ERGIC1: variants seen among roughly 807,000 people sequenced by gnomAD.
ERGIC1 encodes endoplasmic reticulum-golgi intermediate compartment 1.
In ERGIC1, 19 loss-of-function variants were observed where a neutral mutation model predicts 38.3. The ratio of observed to expected loss-of-function variants is 0.50; its 90% confidence interval spans 0.35 to 0.73. The LOEUF is 0.73. ERGIC1 is among the 30% of genes least tolerant of loss of function. The pLI is 0.01. For missense variants in ERGIC1, 294 were observed against 389.2 expected, an observed-to-expected ratio of 0.76 and a Z score of 2.06; for synonymous variants, 124 against 157.6, an observed-to-expected ratio of 0.79 and a Z score of 1.60.
At chr5:172,900,207 C>T (rs377704928) in intron 3 of ERGIC1, among the ~76,000 whole-genome samples, 201 of 152,250 alleles carry the variant, frequency 1.3e-3, no homozygotes, top group African/African-American at 4.2e-3. Flanking sequence ...GCAGAATGCC[C>T]GGGAGCATTG....
chr5:172,851,594 C>A (rs1188037860), intron 1 of ERGIC1, among the ~76,000 whole-genome samples: 1 of 152,188 alleles, frequency 6.6e-6, no homozygotes, highest in African/African-American at 2.4e-5. Context: ...TGTTGCTGGG[C>A]AGACCTCTGG....
chr5:172,942,099 G>A (rs1210158898), intron 9 of ERGIC1, among the ~76,000 whole-genome samples: 2 of 152,158 alleles, frequency 1.3e-5, no homozygotes, highest in Non-Finnish European at 2.9e-5. Flanking sequence ...TACGTGGGAC[G>A]CTGAGGCAGG....
At chr5:172,883,586 C>G (rs1198928197) in intron 1 of ERGIC1, among the ~76,000 whole-genome samples, 1 of 152,126 alleles carries the variant, frequency 6.6e-6, no homozygotes, top group Admixed American at 6.5e-5. Flanking sequence ...TAGGCAGGAT[C>G]CCCCAGAAGT....
At chr5:172,884,501 C>A (rs1016184812) in intron 1 of ERGIC1, among the ~76,000 whole-genome samples, 3 of 152,180 alleles carry the variant, frequency 2.0e-5, no homozygotes, top group Non-Finnish European at 4.4e-5. Context: ...GCGATCCCCC[C>A]ACCTGGGCCT....
In ERGIC1 at chr5:172,952,195, G is replaced by A. The variant is rs1040922066; in HGVS notation, c.*1379G>A. On this transcript the variant is annotated 3_prime_UTR_variant, in exon 10 of 10. Transcript: ENST00000393784. ...TTGTTTGCATACTTTTGTAATGAAG[G>A]GGAGTGTCCAGTGGAAGGATTTTTA... 3 of 152,230 alleles carry A rather than the reference G, an allele frequency of 2.0e-5. No homozygotes were observed. The highest frequency in any genetic ancestry group is 4.4e-5 in the Non-Finnish European group (3 of 68,040). The allele number at this position is 152,230 out of a possible 1,614,324, so 9.4% of individuals were successfully genotyped here.
At chr5:172,874,462 T>C (rs1020073996) in intron 1 of ERGIC1, among the ~76,000 whole-genome samples, 3 of 152,176 alleles carry the variant, frequency 2.0e-5, no homozygotes, top group African/African-American at 7.2e-5. Flanking sequence ...GCCTTCTTCA[T>C]CCATTGCACA....
intron 1 of ERGIC1, among the ~76,000 whole-genome samples, chr5:172,861,908 A>C (rs1330356010): frequency 1.3e-5 from 2 of 152,234 alleles, no homozygotes; most frequent in East Asian, 3.8e-4. Context: ...AGAAAGACAT[A>C]GTTTACCTCA....
At chr5:172,928,402 C>T (rs1207321392) in intron 7 of ERGIC1, among the ~76,000 whole-genome samples, 2 of 152,212 alleles carry the variant, frequency 1.3e-5, no homozygotes, top group Non-Finnish European at 2.9e-5. Context: ...CCTCTGTGCC[C>T]AGGTCTTGCT....
At chr5:172,871,191 A>C (rs999151856) in intron 1 of ERGIC1, among the ~76,000 whole-genome samples, 1 of 152,244 alleles carries the variant, frequency 6.6e-6, no homozygotes, top group Non-Finnish European at 1.5e-5. Flanking sequence ...CCTGAGGCTG[A>C]TTGGAGATGG....
chr5:172,942,811 C>T (rs1442206394), intron 9 of ERGIC1, among the ~76,000 whole-genome samples: 1 of 152,218 alleles, frequency 6.6e-6, no homozygotes, highest in East Asian at 1.9e-4. Flanking sequence ...CCATTTTGCA[C>T]ACCAGGCTGG....
intron 1 of ERGIC1, among the ~76,000 whole-genome samples, chr5:172,840,154 CACGCTG>C (rs57944390): frequency 0.17 from 25,427 of 151,938 alleles, 2,233 homozygotes; most frequent in East Asian, 0.31. Context: ...TCAGTTTTCC[CACGCTG>C]ACCAGTGGGG....
In ERGIC1 at chr5:172,914,796, T is replaced by C. The variant is rs745306573; in HGVS notation, c.333T>C (p.Asn111=). The change falls in exon 5 of 10, where the codon AAT becomes AAC. Residue 111 remains asparagine (N), a synonymous_variant. Transcript: ENST00000393784. ...IDNSMKIPLN[N]GAGCRFEGQF... ...ACTCCATGAAGATCCCGCTGAACAA[T>C]GGGGCAGGCTGCCGCTTCGAGGGGC... 6.2e-6 allele frequency: 10 copies of C among 1,614,150 alleles called. No homozygotes were observed. Among genetic ancestry groups the C allele is most frequent in the Non-Finnish European group, 8.5e-6 (10 of 1,180,028 alleles).
Position 172,834,579 on chromosome 5 carries a change from A to T in ERGIC1, c.20+146A>T. Reference sequence around the variant, plus strand: ...CGCAGGCCCCTAGGGACCCCAGGCGAGCCCCCCCCCTGCCGCACACGAAGC... The same window carrying T: ...CGCAGGCCCCTAGGGACCCCAGGCGTGCCCCCCCCCTGCCGCACACGAAGC... On this transcript the variant is annotated intron_variant, in intron 1 of 9. Coordinates refer to ENST00000393784, the MANE Select transcript of ERGIC1 (RefSeq NM_001031711.3). The surrounding 1 kb of genome is among the most constrained non-coding windows in gnomAD (Gnocchi z 4.1). The T allele has an allele frequency of 1.7e-5, 9 of 542,206 alleles. No individual in the cohort carries two copies. Among genetic ancestry groups the T allele is most frequent in the Non-Finnish European group, 1.8e-5 (8 of 434,554 alleles). 33.6% of individuals were successfully genotyped at this position (542,206 alleles called of 1,614,324 possible). A position where few individuals can be genotyped will look rare whatever the true frequency, so the allele number is the denominator to read the frequency against.
chr5:172,892,343 C>T (rs13156753), intron 2 of ERGIC1, among the ~76,000 whole-genome samples: 23,156 of 151,986 alleles, frequency 0.15, 1,954 homozygotes, highest in East Asian at 0.27. Context: ...CTGGGCAGGG[C>T]GGGCTGACTT....
intron 1 of ERGIC1, among the ~76,000 whole-genome samples, chr5:172,885,044 C>T (rs1043280662): frequency 2.0e-5 from 3 of 152,134 alleles, no homozygotes; most frequent in Non-Finnish European, 4.4e-5. Flanking sequence ...CACTCTGCCC[C>T]GAGCCACTGC....
chr5:172,896,845 C>G (rs572431686), intron 2 of ERGIC1, among the ~76,000 whole-genome samples, 157 bp from the exon 3 acceptor site: 33 of 152,302 alleles, frequency 2.2e-4, no homozygotes, highest in African/African-American at 7.0e-4. Context: ...GGTGGGGCTG[C>G]TTCATATTGA....
chr5:172,858,383 G>A (rs1216623902), intron 1 of ERGIC1, among the ~76,000 whole-genome samples: 2 of 152,204 alleles, frequency 1.3e-5, no homozygotes, highest in South Asian at 2.1e-4. Flanking sequence ...AGATCCTCAC[G>A]AACTCTTGAT....
intron 1 of ERGIC1, among the ~76,000 whole-genome samples, chr5:172,880,749 C>T (rs989596644): frequency 6.6e-6 from 1 of 152,212 alleles, no homozygotes; most frequent in African/African-American, 2.4e-5. Flanking sequence ...CTCAGAATCC[C>T]TGAGAGAGCT....
intron 1 of ERGIC1, among the ~76,000 whole-genome samples, chr5:172,843,705 C>T (rs1164834635): frequency 6.6e-6 from 1 of 152,200 alleles, no homozygotes; most frequent in Non-Finnish European, 1.5e-5. Context: ...GACCACAGGT[C>T]CCCTGCGGAA....
Sources: allele counts gnomAD v4.1 joint callset (sites outside exome capture counted in the v4.1 genomes callset), GRCh38; gene constraint gnomAD v4.1.1; non-coding constraint Gnocchi (gnomAD v3.1); transcripts MANE v1.5; gene names NCBI Gene and HGNC (gene_info 2026-07-23, HGNC 2026-07-21).